SBF1: variants seen among roughly 807,000 people sequenced by gnomAD.
The protein encoded by SBF1 is SET binding factor 1.
A neutral mutation model predicts 215.8 loss-of-function variants in SBF1; 65 were observed. The ratio of observed to expected loss-of-function variants is 0.30; its 90% confidence interval spans 0.25 to 0.37. SBF1 has a LOEUF of 0.37. SBF1 is among the 10% of genes least tolerant of loss of function. The probability of loss-of-function intolerance (pLI) is 1.00; values close to 1 mark genes in which losing one functional copy is unlikely to be tolerated. For missense variants in SBF1, 2,634 were observed against 2,667.8 expected (o/e 0.99, Z 0.28); for synonymous variants, 1,410 against 1,122.8 (o/e 1.26, Z -5.11).
In SBF1 at chr22:50,460,565, G is replaced by C; in HGVS notation, c.3115C>G (p.Arg1039Gly). 2 of 1,614,074 alleles carry C rather than the reference G, an allele frequency of 1.2e-6. No individual in the cohort carries two copies. The highest frequency in any genetic ancestry group is 1.7e-6 in the Non-Finnish European group (2 of 1,180,016). The change falls in exon 24 of 41, where the codon CGA (arginine) becomes GGA (glycine). Residue 1039 changes from arginine to glycine, a missense_variant. Arg to Gly is a moderately radical substitution (Grantham distance 125). Transcript: ENST00000380817. ...GSAHTPGRPP[R>G]VTKDKGPSLR... Reference sequence around the variant, plus strand: ...GAAGGACCCTTGTCCTTGGTGACTCGCGGTGGCCGGCCAGGTGTGTGGGCA... The same window carrying C: ...GAAGGACCCTTGTCCTTGGTGACTCCCGGTGGCCGGCCAGGTGTGTGGGCA...
chr22:50,470,489 G>A (rs1339019520), intron 1 of SBF1, among the ~76,000 whole-genome samples: 1 of 152,078 alleles, frequency 6.6e-6, no homozygotes, highest in Non-Finnish European at 1.5e-5. Context: ...CTGGCCCAAT[G>A]GCCCAAGTGG....
rs373554487 is a variant in SBF1, at chr22:50,455,301, G to A, written c.4477C>T (p.Arg1493Cys). The change falls in exon 33 of 41, where the codon CGT becomes TGT. Residue 1493 changes from arginine (R) to cysteine (C), a missense_variant. Transcript: ENST00000380817. ...TGCCCGGCCAGGGTGTGAGCTCCAC[G>A]GTGGCTGAAGCGATGGCCGAAGGAC... ...WLSFGHRFSH[R>C]GAHTLAGQSS... 9.9e-6 allele frequency: 16 copies of A among 1,613,310 alleles called. No individual in the cohort carries two copies. The highest frequency in any genetic ancestry group is 2.2e-5 in the East Asian group (1 of 44,888).
Position 50,461,670 on chromosome 22 carries a change from C to G in SBF1, c.2692G>C (p.Asp898His), listed in dbSNP as rs964999447. Residue 898 changes from aspartate (D) to histidine (H), a missense_variant, in exon 22 of 41, where the codon GAC becomes CAC. Asp to His is a moderately conservative substitution (Grantham distance 81, BLOSUM62 -1). Coordinates refer to ENST00000380817, the MANE Select transcript of SBF1 (RefSeq NM_002972.4). ...GGCAGCAGGTAGACGCGCAGGCCGT[C>G]CAGCACACACTCCTCACCCGGCAGC... Reference protein sequence around the residue: ...RLLPGEECVLDGLRVYLLPDG... With the variant: ...RLLPGEECVLHGLRVYLLPDG... The G allele has an allele frequency of 6.2e-7, 1 of 1,610,506 alleles. No individual in the cohort carries two copies. The highest frequency in any genetic ancestry group is 8.5e-7 in the Non-Finnish European group (1 of 1,179,598).
intron 12 of SBF1, 34 bp from the exon 13 acceptor site, chr22:50,464,951 G>A (rs778963951): frequency 1.9e-6 from 3 of 1,613,876 alleles, no homozygotes; most frequent in Admixed American, 1.7e-5. Context: ...GGTAAGCCAT[G>A]GTCAGGCGGA....
In SBF1 at chr22:50,446,356, T is replaced by TCTCCCCCCCCCCCCCC. The variant is rs1491577679; in HGVS notation, c.*785_*786insGGGGGGGGGGGGGGAG. 8.6e-5 allele frequency: 3 copies of TCTCCCCCCCCCCCCCC among 35,048 alleles called. No homozygotes were observed. The highest frequency in any genetic ancestry group is 2.7e-4 in the Admixed American group (1 of 3,666). 2.2% of individuals were successfully genotyped at this position (35,048 alleles called of 1,614,324 possible). Reference sequence around the variant, plus strand: ...CCTGCATTCCCCTGGGAGCCCACTGTCCCCCCCCCCCCCCCGCCTCCGGCC... The same window carrying TCTCCCCCCCCCCCCCC: ...CCTGCATTCCCCTGGGAGCCCACTGTCTCCCCCCCCCCCCCCCCCCCCCCCCCCCCCGCCTCCGGCC... On this transcript the variant is annotated 3_prime_UTR_variant, in exon 41 of 41. Transcript: ENST00000380817.
chr22:50,462,783 G>A lies in SBF1; in HGVS notation c.1969-66C>T, dbSNP rs186891000. On this transcript the variant is annotated intron_variant, in intron 17 of 40. Coordinates refer to ENST00000380817, the MANE Select transcript of SBF1 (RefSeq NM_002972.4). ...GAAGGGCGGCTGGGAAGGAGACCTC[G>A]GCCACCAGGAAGGGGGGCTGGGAAG... 1.1e-3 allele frequency: 1,753 copies of A among 1,607,596 alleles called. 7 individuals are homozygous for A. The highest frequency in any genetic ancestry group is 2.5e-3 in the South Asian group (228 of 90,504).
intron 1 of SBF1, among the ~76,000 whole-genome samples, chr22:50,469,341 C>T (rs1286900924): frequency 6.6e-6 from 1 of 152,226 alleles, no homozygotes; most frequent in East Asian, 1.9e-4. Flanking sequence ...AGCCAAGAGG[C>T]CTATGTCTCC....
Position 50,454,373 on chromosome 22 carries a change from G to C in SBF1, c.5043+139C>G, listed in dbSNP as rs1319515443. On this transcript the variant is annotated intron_variant, in intron 36 of 40. Coordinates refer to ENST00000380817, the MANE Select transcript of SBF1 (RefSeq NM_002972.4). ...GCCAGTAGGCAGTTCACATGGTGGGGAGACGGCAGGGCCACACCAACCCCC... is the reference window on the plus strand; with the variant it reads ...GCCAGTAGGCAGTTCACATGGTGGGCAGACGGCAGGGCCACACCAACCCCC... 5 of 727,494 alleles carry C rather than the reference G, an allele frequency of 6.9e-6. No homozygotes were observed. In the African/African-American group the frequency reaches 8.7e-5, roughly 13 times the overall value. The allele number at this position is 727,494 out of a possible 1,614,324, so 45.1% of individuals were successfully genotyped here. A position where few individuals can be genotyped will look rare whatever the true frequency, so the allele number is the denominator to read the frequency against.
In SBF1 at chr22:50,458,955, C is replaced by T. The variant is rs564619314; in HGVS notation, c.3826+300G>A. On this transcript the variant is annotated intron_variant, in intron 28 of 40. Transcript: ENST00000380817. ...TGTGGGAAATGGTAAGACAGAGCCGCGTAGAGGCAGCACCCGGAGGACCCT... is the reference window on the plus strand; with the variant it reads ...TGTGGGAAATGGTAAGACAGAGCCGTGTAGAGGCAGCACCCGGAGGACCCT... Among the ~76,000 whole-genome samples, 16 of 152,324 alleles carry T rather than the reference C, an allele frequency of 1.1e-4. No homozygotes were observed. In the East Asian group the frequency reaches 2.5e-3, roughly 24 times the overall value.
intron 36 of SBF1, among the ~76,000 whole-genome samples, chr22:50,450,683 C>T (rs532464185): frequency 2.8e-4 from 43 of 152,224 alleles, no homozygotes; most frequent in Non-Finnish European, 4.7e-4. Context: ...GCTGCTCTAT[C>T]CCTGGAGCTT....
At chr22:50,474,722 AG>A (rs2068116690) in intron 1 of SBF1, 63 bp downstream of exon 1, 11 of 1,214,636 alleles carry the variant, frequency 9.1e-6, no homozygotes, top group Non-Finnish European at 1.2e-5. Context: ...CCTCAGACCC[AG>A]CCCCTGGCCC....
chr22:50,464,866 G>A lies in SBF1; in HGVS notation c.1384C>T (p.Arg462Cys), dbSNP rs751016208. The A allele has an allele frequency of 6.1e-5, 98 of 1,613,534 alleles. No individual in the cohort carries two copies. Among genetic ancestry groups the A allele is most frequent in the Non-Finnish European group, 7.7e-5 (91 of 1,180,024 alleles). ...RMRADENHPQ[R>C]VLRHVQELAE... ...AGTTCCTGGACGTGACGCAGGACAC[G>A]CTGGGGGTGGTTCTCATCCGCCCGC... Residue 462 changes from arginine (R) to cysteine (C), a missense_variant, in exon 13 of 41, where the codon CGT (arginine) becomes TGT (cysteine). Arg to Cys is a radical substitution (Grantham distance 180, BLOSUM62 -3). Coordinates refer to ENST00000380817, the MANE Select transcript of SBF1 (RefSeq NM_002972.4).
chr22:50,454,570 C>G lies in SBF1; in HGVS notation c.4985G>C (p.Trp1662Ser), dbSNP rs2067172485. The G allele has an allele frequency of 6.2e-7, 1 of 1,611,872 alleles. No homozygotes were observed. Among genetic ancestry groups the G allele is most frequent in the South Asian group, 1.1e-5 (1 of 91,020 alleles). ...CCGCGGGCAGCTGTCGTAACAGGGCCACACCACGCGGCGCCTGCTCTGGGG... is the reference window on the plus strand; with the variant it reads ...CCGCGGGCAGCTGTCGTAACAGGGCGACACCACGCGGCGCCTGCTCTGGGG... ...GAPQSRRRVV[W>S]PCYDSCPRAQ... Residue 1662 changes from tryptophan to serine, a missense_variant, in exon 36 of 41, where the codon TGG becomes TCG. Trp to Ser is a radical substitution (Grantham distance 177). Coordinates refer to ENST00000380817, the MANE Select transcript of SBF1 (RefSeq NM_002972.4).
intron 1 of SBF1, among the ~76,000 whole-genome samples, chr22:50,473,369 AG>A (rs1209378382): frequency 6.6e-6 from 1 of 152,126 alleles, no homozygotes; most frequent in African/African-American, 2.4e-5. Flanking sequence ...TGCCCCTCAT[AG>A]GTGCCTCGGT....
chr22:50,455,966 C>T, intron 31 of SBF1: 2 of 564,234 alleles, frequency 3.5e-6, no homozygotes, highest in Non-Finnish European at 6.3e-6. Context: ...CATCAGCCCA[C>T]GTGGGCCCAG....
At chr22:50,458,316 A>AC (rs1341742657) in intron 28 of SBF1, among the ~76,000 whole-genome samples, 15 of 149,046 alleles carry the variant, frequency 1.0e-4, no homozygotes, top group Admixed American at 9.5e-4. Context: ...AAAAAAAAAA[A>AC]AAAAAAAGGT....
At chr22:50,474,182 G>A (rs889505185) in intron 1 of SBF1, among the ~76,000 whole-genome samples, 1 of 152,230 alleles carries the variant, frequency 6.6e-6, no homozygotes, top group Admixed American at 6.5e-5. Flanking sequence ...CGTCAGGCGA[G>A]TCGCCAGGAA....
At position 50,472,816 on chromosome 22, in the gene SBF1, C is replaced by T. The variant is rs115445332; in HGVS notation, c.55+1970G>A. 5.2e-3 allele frequency among the ~76,000 whole-genome samples: 785 copies of T among 152,302 alleles called. 10 individuals carry two copies. The highest frequency in any genetic ancestry group is 0.018 in the African/African-American group (745 of 41,558). ...GGTCCCAGTCTATAGCCTTGTTCCC[C>T]TCAAGAATGAACAAGTCCTTCTAAG... On this transcript the variant is annotated intron_variant, in intron 1 of 40. Coordinates refer to ENST00000380817, the MANE Select transcript of SBF1 (RefSeq NM_002972.4).
intron 1 of SBF1, among the ~76,000 whole-genome samples, chr22:50,471,567 G>A (rs1285021065): frequency 1.3e-5 from 2 of 152,152 alleles, no homozygotes; most frequent in African/African-American, 4.8e-5. Flanking sequence ...AAAGAGAAAA[G>A]AAGGAAGGAC....
Sources: allele counts gnomAD v4.1 joint callset (sites outside exome capture counted in the v4.1 genomes callset), GRCh38; gene constraint gnomAD v4.1.1; transcripts MANE v1.5; gene names NCBI Gene and HGNC (gene_info 2026-07-23, HGNC 2026-07-21).